TRDN: variants seen among roughly 807,000 people sequenced by gnomAD.
TRDN encodes triadin.
In TRDN, 161 loss-of-function variants were observed where a neutral mutation model predicts 149.7. The observed-to-expected ratio is 1.08, with a 90% confidence interval of 0.95 to 1.23. TRDN has a LOEUF of 1.23. Ranked by LOEUF, TRDN falls within the 50% of genes most tolerant of loss-of-function variation. The pLI is 0.00. For missense variants in TRDN, 896 were observed against 823.5 expected, an observed-to-expected ratio of 1.09 and a Z score of -1.08; for synonymous variants, 294 against 250.5, an observed-to-expected ratio of 1.17 and a Z score of -1.64.
At chr6:123,561,396 G>C (rs949948757) in intron 2 of TRDN, among the ~76,000 whole-genome samples, 2 of 152,158 alleles carry the variant, frequency 1.3e-5, no homozygotes, top group African/African-American at 4.8e-5. Context: ...GCCCTTCTCA[G>C]CATTCAGGCG....
At chr6:123,370,832 T>A (rs1781294824) in intron 19 of TRDN, among the ~76,000 whole-genome samples, 1 of 152,070 alleles carries the variant, frequency 6.6e-6, no homozygotes, top group Admixed American at 6.6e-5. Flanking sequence ...TTATAGAACA[T>A]TTGCATTTTT....
intron 24 of TRDN, among the ~76,000 whole-genome samples, chr6:123,297,652 A>C (rs1018017184): frequency 2.0e-5 from 3 of 152,068 alleles, no homozygotes; most frequent in African/African-American, 7.2e-5. Context: ...AATTCTGATC[A>C]TAGCCACAGA....
intron 4 of TRDN, among the ~76,000 whole-genome samples, chr6:123,532,770 T>A (rs576734065): frequency 1.8e-4 from 23 of 130,936 alleles, no homozygotes; most frequent in Non-Finnish European, 4.0e-4. Context: ...TTTTTCTTTT[T>A]ACTATTTTAA....
chr6:123,499,274 T>C (rs930961142), intron 8 of TRDN, among the ~76,000 whole-genome samples: 3 of 152,138 alleles, frequency 2.0e-5, no homozygotes, highest in Admixed American at 1.3e-4. Context: ...ACATAACATG[T>C]TGAAGAGTGT....
chr6:123,449,160 G>T (rs1394525661), intron 10 of TRDN, among the ~76,000 whole-genome samples: 1 of 151,996 alleles, frequency 6.6e-6, no homozygotes, highest in Non-Finnish European at 1.5e-5. Flanking sequence ...ACAAAACAAG[G>T]CTTCTCAGCA....
chr6:123,427,364 T>A (rs1774166982), intron 12 of TRDN, among the ~76,000 whole-genome samples: 1 of 151,898 alleles, frequency 6.6e-6, no homozygotes, highest in Admixed American at 6.6e-5. Context: ...TAATAATAAC[T>A]TCACTTCAAA....
chr6:123,586,000 T>A (rs903690208), intron 1 of TRDN, among the ~76,000 whole-genome samples: 3 of 152,056 alleles, frequency 2.0e-5, no homozygotes, highest in Non-Finnish European at 4.4e-5. Flanking sequence ...TAAAATGTAT[T>A]TTGAGAATAA....
At chr6:123,361,485 T>C (rs1780899623) in intron 20 of TRDN, among the ~76,000 whole-genome samples, 1 of 151,552 alleles carries the variant, frequency 6.6e-6, no homozygotes, top group African/African-American at 2.4e-5. Context: ...ACAAAACACG[T>C]TTTGCACATG....
At chr6:123,582,082 C>A (rs759282204) in intron 1 of TRDN, among the ~76,000 whole-genome samples, 2 of 152,164 alleles carry the variant, frequency 1.3e-5, no homozygotes, top group African/African-American at 4.8e-5. Flanking sequence ...TGATTTTACA[C>A]ATTTTAGGGG....
At chr6:123,279,470 G>A (rs926645080) in intron 24 of TRDN, among the ~76,000 whole-genome samples, 3 of 152,008 alleles carry the variant, frequency 2.0e-5, no homozygotes, top group African/African-American at 4.8e-5. Context: ...TTCATAGTCA[G>A]TTTTAATTTT....
chr6:123,344,819 C>T (rs962008746), intron 21 of TRDN, among the ~76,000 whole-genome samples: 1 of 151,916 alleles, frequency 6.6e-6, no homozygotes, highest in Non-Finnish European at 1.5e-5. Context: ...TGGATTGCAT[C>T]GTGAGAGTAA....
intron 10 of TRDN, among the ~76,000 whole-genome samples, chr6:123,440,287 CA>C (rs1261328508): frequency 2.0e-5 from 3 of 152,174 alleles, no homozygotes; most frequent in Non-Finnish European, 4.4e-5. Context: ...CATACTATTA[CA>C]GCTCATCCAA....
rs182340704 is a variant in TRDN at position 123,328,503 on chromosome 6, T to C, written c.1471+3376A>G. Among the ~76,000 whole-genome samples, 888 of 152,310 alleles carry C rather than the reference T, an allele frequency of 5.8e-3. 8 individuals are homozygous for C. The highest frequency in any genetic ancestry group is 9.2e-3 in the Admixed American group (140 of 15,290). On this transcript the variant is annotated intron_variant, in intron 23 of 40. Transcript: ENST00000334268. ...GCCGTTTTTGTTTCTTTTTTTCCTA[T>C]GAATTGCGATTGTGTGATTCCTTCC...
chr6:123,458,893 G>A (rs1056194699), intron 10 of TRDN, among the ~76,000 whole-genome samples: 1 of 151,978 alleles, frequency 6.6e-6, no homozygotes, highest in Non-Finnish European at 1.5e-5. Context: ...GTTTAAAAAA[G>A]TTAAACAGAT....
chr6:123,261,468 T>A (rs1277978166), intron 33 of TRDN, among the ~76,000 whole-genome samples: 1 of 151,830 alleles, frequency 6.6e-6, no homozygotes, highest in Non-Finnish European at 1.5e-5. Context: ...TTCAGTAAAC[T>A]TACAGATTAA....
At chr6:123,576,731 G>A (rs1782877679) in intron 1 of TRDN, among the ~76,000 whole-genome samples, 1 of 152,022 alleles carries the variant, frequency 6.6e-6, no homozygotes, top group African/African-American at 2.4e-5. Flanking sequence ...TCAGACCATA[G>A]CAATGAAGGT....
At chr6:123,438,576 A>G (rs932627763) in intron 11 of TRDN, among the ~76,000 whole-genome samples, 2 of 152,112 alleles carry the variant, frequency 1.3e-5, no homozygotes, top group Non-Finnish European at 2.9e-5. Context: ...CAAACCAATC[A>G]AGTATTTTCT....
chr6:123,623,872 T>C (rs534023760), intron 1 of TRDN, among the ~76,000 whole-genome samples: 76 of 152,272 alleles, frequency 5.0e-4, no homozygotes, highest in Non-Finnish European at 9.1e-4. Flanking sequence ...TGTTTTATAT[T>C]GATTCATTCC....
rs1409034777 is a variant in TRDN at position 123,410,523 on chromosome 6, T to C, written c.1052-16846A>G. Among the ~76,000 whole-genome samples, 3 of 152,192 alleles carry C rather than the reference T, an allele frequency of 2.0e-5. No individual in the cohort carries two copies. The South Asian group carries it at 6.2e-4, about 31-fold the overall frequency. ...GTATTTTCTCTTCACTTATTGAAAC[T>C]AAAAGTATTTTAAGTATATATTTAT... On this transcript the variant is annotated intron_variant, in intron 12 of 40. Coordinates refer to ENST00000334268, the MANE Select transcript of TRDN (RefSeq NM_006073.4).
Sources: gnomAD v4.1 joint callset for allele counts (sites outside exome capture counted in the v4.1 genomes callset) on GRCh38, gnomAD v4.1.1 for gene constraint, MANE v1.5 for transcripts, NCBI Gene and HGNC (gene_info 2026-07-23, HGNC 2026-07-21) for gene names.